The following RNF224 variants were observed in gnomAD, a reference collection of about 807,000 sequenced individuals.
The protein encoded by RNF224 is ring finger protein 224.
Under a neutral mutation model 2.9 loss-of-function variants are expected in RNF224, and 1 was observed. The observed-to-expected ratio is 0.35, with a 90% CI of 0.12 to 1.66. RNF224 has a LOEUF of 1.66. Ranked by LOEUF, RNF224 falls within the 40% of genes most tolerant of loss-of-function variation. The probability of loss-of-function intolerance (pLI) is 0.35; values close to 1 mark genes in which losing one functional copy is unlikely to be tolerated. For missense variants in RNF224, 254 were observed against 221.8 expected (o/e 1.15, Z -0.92); for synonymous variants, 116 against 97.6 (o/e 1.19, Z -1.11).
In RNF224 at chr9:137,229,198, A is replaced by T. The variant is rs1836064140; in HGVS notation, c.*112A>T. On this transcript the variant is annotated 3_prime_UTR_variant, in exon 3 of 3. Coordinates refer to ENST00000445101, the MANE Select transcript of RNF224 (RefSeq NM_001190228.2). ...AACCTGGCAGTAGCATCCTATACGC[A>T]GCTTCGTGTGGCCCAGCAGGGTGGT... 3 of 652,506 alleles carry T rather than the reference A, an allele frequency of 4.6e-6. No homozygotes were observed. The highest frequency in any genetic ancestry group is 8.0e-6 in the Non-Finnish European group (3 of 377,254). 40.4% of individuals were successfully genotyped at this position (652,506 alleles called of 1,614,324 possible).
Position 137,228,891 on chromosome 9 carries a change from G to C in RNF224, c.276G>C (p.Leu92=). 1 of 1,535,720 alleles carries C rather than the reference G, an allele frequency of 6.5e-7. No individual in the cohort carries two copies. The highest frequency in any genetic ancestry group is 8.7e-7 in the Non-Finnish European group (1 of 1,146,818). ...TAGACCTGGACCTGGCTGCTTTCCT[G>C]GCGGTCAAGGCTGAGCGGGAGCCGG... The part of the protein sequence containing the change: ...AMLDLDLAAF[L]AVKAEREPAR... The change falls in exon 3 of 3, where the codon CTG becomes CTC. Residue 92 remains leucine, a synonymous_variant. Coordinates refer to ENST00000445101, the MANE Select transcript of RNF224 (RefSeq NM_001190228.2).
Position 137,228,928 on chromosome 9 carries a change from C to T in RNF224, c.313C>T (p.Pro105Ser), listed in dbSNP as rs975389110. 15 of 1,535,776 alleles carry T rather than the reference C, an allele frequency of 9.8e-6. No individual in the cohort carries two copies. Among genetic ancestry groups the T allele is most frequent in the Middle Eastern group, 1.7e-4 (1 of 5,988 alleles). Residue 105 changes from proline to serine, a missense_variant, in exon 3 of 3, where the codon CCC (proline) becomes TCC (serine). Coordinates refer to ENST00000445101, the MANE Select transcript of RNF224 (RefSeq NM_001190228.2). Reference sequence around the variant, plus strand: ...TGAGCGGGAGCCGGCAAGACTAGAACCCCTGCCCCTCACCTCCCTCAAAGG... The same window carrying T: ...TGAGCGGGAGCCGGCAAGACTAGAATCCCTGCCCCTCACCTCCCTCAAAGG... ...KAEREPARLE[P>S]LPLTSLKGSA... is the part of the protein sequence containing the mutation.
chr9:137,229,102 A>T lies in RNF224; in HGVS notation c.*16A>T. 7.0e-7 allele frequency: 1 copy of T among 1,428,284 alleles called. No homozygotes were observed. Among genetic ancestry groups the T allele is most frequent in the Non-Finnish European group, 9.5e-7 (1 of 1,054,012 alleles). The allele number at this position is 1,428,284 out of a possible 1,614,324, so 88.5% of individuals were successfully genotyped here. On this transcript the variant is annotated 3_prime_UTR_variant, in exon 3 of 3. Transcript: ENST00000445101. Reference sequence around the variant, plus strand: ...CGAGGTCTGAACTCTGGCCATTCCCACCCCTGCAGGGGAAATGCCTGCCTT... The same window carrying T: ...CGAGGTCTGAACTCTGGCCATTCCCTCCCCTGCAGGGGAAATGCCTGCCTT...
Position 137,228,821 on chromosome 9 carries a change from A to G in RNF224, c.206A>G (p.Gln69Arg), listed in dbSNP as rs759082591. ...APEQRWIPCP[Q>R]CRQSTPTPRG... Reference sequence around the variant, plus strand: ...GAGCAGCGCTGGATCCCCTGTCCGCAGTGCCGTCAGAGCACGCCCACGCCT... The same window carrying G: ...GAGCAGCGCTGGATCCCCTGTCCGCGGTGCCGTCAGAGCACGCCCACGCCT... Residue 69 changes from glutamine to arginine, a missense_variant, in exon 3 of 3, where the codon CAG becomes CGG. Transcript: ENST00000445101. 6.5e-7 allele frequency: 1 copy of G among 1,535,368 alleles called. No homozygotes were observed. The highest frequency in any genetic ancestry group is 8.7e-7 in the Non-Finnish European group (1 of 1,146,646).
intron 1 of RNF224, 34 bp from the exon 2 acceptor site, chr9:137,228,118 C>T: frequency 1.8e-6 from 1 of 556,430 alleles, no homozygotes; most frequent in Non-Finnish European, 3.2e-6. Context: ...GGGCGGGGGG[C>T]ACCTTATCTC....
At chr9:137,227,929 G>A (rs553859365) in intron 1 of RNF224, 68 bp downstream of exon 1, 72 of 218,344 alleles carry the variant, frequency 3.3e-4, no homozygotes, top group African/African-American at 1.6e-3. Context: ...GGAGCGGAGG[G>A]AAGGGGAGGG....
chr9:137,227,907 G>A (rs944332677), intron 1 of RNF224, 46 bp downstream of exon 1: 10 of 196,868 alleles, frequency 5.1e-5, no homozygotes, highest in Admixed American at 1.3e-4. Context: ...GGAAGGAGAG[G>A]GTAAGAGTGA....
Position 137,228,341 on chromosome 9 carries a change from G to A in RNF224, c.6G>A (p.Gln2=), listed in dbSNP as rs774778492. 1.5e-5 allele frequency: 23 copies of A among 1,501,932 alleles called. No homozygotes were observed. The highest frequency in any genetic ancestry group is 2.0e-5 in the Non-Finnish European group (23 of 1,127,828). 93.0% of individuals were successfully genotyped at this position (1,501,932 alleles called of 1,614,324 possible). A position where few individuals can be genotyped will look rare whatever the true frequency, so the allele number is the denominator to read the frequency against. The part of the protein sequence containing the change: M[Q]DAAAGGPPGL... ...ATAGCTGCCCAGCAGAGCCCATGCA[G>A]GTAAGAGGCCTGGGCTCAGGTCGGC... Residue 2 remains glutamine (Q), a splice_region_variant and synonymous_variant, in exon 2 of 3, where the codon CAG becomes CAA. Coordinates refer to ENST00000445101, the MANE Select transcript of RNF224 (RefSeq NM_001190228.2).
Position 137,229,092 on chromosome 9 carries a change from G to A in RNF224, c.*6G>A. 1 of 1,480,406 alleles carries A rather than the reference G, an allele frequency of 6.8e-7. No homozygotes were observed. Among genetic ancestry groups the A allele is most frequent in the South Asian group, 1.2e-5 (1 of 82,560 alleles). The allele number at this position is 1,480,406 out of a possible 1,614,324, so 91.7% of individuals were successfully genotyped here. ...TAGGCAGCCCCGAGGTCTGAACTCT[G>A]GCCATTCCCACCCCTGCAGGGGAAA... is the stretch of plus-strand genomic sequence containing the variant. On this transcript the variant is annotated 3_prime_UTR_variant, in exon 3 of 3. Transcript: ENST00000445101.
intron 2 of RNF224, 119 bp downstream of exon 2, chr9:137,228,460 C>G: frequency 8.9e-7 from 1 of 1,126,708 alleles, no homozygotes; most frequent in East Asian, 2.6e-5. Flanking sequence ...GTGTGCAGAC[C>G]CTGGTTCTGC....
In RNF224 at chr9:137,229,180, C is replaced by A; in HGVS notation, c.*94C>A. 2.8e-6 allele frequency: 2 copies of A among 715,312 alleles called. No individual in the cohort carries two copies. The highest frequency in any genetic ancestry group is 2.5e-5 in the Admixed American group (1 of 39,372). 44.3% of individuals were successfully genotyped at this position (715,312 alleles called of 1,614,324 possible). A position where few individuals can be genotyped will look rare whatever the true frequency, so the allele number is the denominator to read the frequency against. On this transcript the variant is annotated 3_prime_UTR_variant, in exon 3 of 3. Transcript: ENST00000445101. ...GTTCAGCCCACTCAGAACAACCTGG[C>A]AGTAGCATCCTATACGCAGCTTCGT...
rs538988667 is a variant in RNF224, at chr9:137,229,412, G to A, written c.*326G>A. 4.6e-4 allele frequency: 174 copies of A among 381,192 alleles called. 1 individual carries two copies. Among genetic ancestry groups the A allele is most frequent in the African/African-American group, 3.0e-3 (148 of 49,418 alleles). 23.6% of individuals were successfully genotyped at this position (381,192 alleles called of 1,614,324 possible). A position where few individuals can be genotyped will look rare whatever the true frequency, so the allele number is the denominator to read the frequency against. On this transcript the variant is annotated 3_prime_UTR_variant, in exon 3 of 3. Transcript: ENST00000445101. ...AGCCTGGCTTGGGCCTAGACGCAGCGCAAAGGATGGCTCCCAAGAGGATGC... is the reference window on the plus strand; with the variant it reads ...AGCCTGGCTTGGGCCTAGACGCAGCACAAAGGATGGCTCCCAAGAGGATGC...
intron 2 of RNF224, 78 bp downstream of exon 2, chr9:137,228,419 G>A (rs1018713984): frequency 3.0e-6 from 4 of 1,341,832 alleles, no homozygotes; most frequent in South Asian, 3.0e-5. Flanking sequence ...GGAACAGGAG[G>A]CTGCCCGGCT....
Position 137,229,046 on chromosome 9 carries a change from G to A in RNF224, c.431G>A (p.Gly144Asp), listed in dbSNP as rs1443537472. 4 of 1,533,760 alleles carry A rather than the reference G, an allele frequency of 2.6e-6. No individual in the cohort carries two copies. The East Asian group carries it at 9.8e-5, about 38-fold the overall frequency. The change falls in exon 3 of 3, where the codon GGC becomes GAC. Residue 144 changes from glycine (G) to aspartate (D), a missense_variant. Physicochemically the swap from Gly to Asp is moderately conservative, Grantham distance 94. Transcript: ENST00000445101. ...PQPRYCCWGCGSLCCPPLGSP... is the reference protein window; with the variant it reads ...PQPRYCCWGCDSLCCPPLGSP... ...CCCAGATACTGCTGCTGGGGCTGTG[G>A]CAGCCTCTGCTGCCCACCCCTAGGC... is the stretch of plus-strand genomic sequence containing the variant.
rs944011456 is a variant in RNF224, at chr9:137,228,836, C to A, written c.221C>A (p.Thr74Lys). The A allele has an allele frequency of 2.6e-6, 4 of 1,535,478 alleles. No individual in the cohort carries two copies. In the African/African-American group the frequency reaches 4.1e-5, roughly 16 times the overall value. Residue 74 changes from threonine (T) to lysine (K), a missense_variant, in exon 3 of 3, where the codon ACG (threonine) becomes AAG (lysine). Transcript: ENST00000445101. ...CCCTGTCCGCAGTGCCGTCAGAGCA[C>A]GCCCACGCCTCGCGGAGGGGTGGCC... The part of the protein sequence containing the change: ...WIPCPQCRQS[T>K]PTPRGGVAML...
In RNF224 at chr9:137,227,838, G is replaced by A. The variant is rs757372476; in HGVS notation, c.-208G>A. 3.2e-4 allele frequency: 51 copies of A among 157,390 alleles called. No individual in the cohort carries two copies. The highest frequency in any genetic ancestry group is 4.9e-4 in the Non-Finnish European group (35 of 71,480). The allele number at this position is 157,390 out of a possible 1,614,324, so 9.7% of individuals were successfully genotyped here. A position where few individuals can be genotyped will look rare whatever the true frequency, so the allele number is the denominator to read the frequency against. ...GGGAACCCTGGCAGGCTTCCTAGAG[G>A]AGGAGATGTGAGCAGAGGCCAAGGC... On this transcript the variant is annotated 5_prime_UTR_variant, in exon 1 of 3. Transcript: ENST00000445101.
rs547177483 is a variant in RNF224 at position 137,228,906 on chromosome 9, G to A, written c.291G>A (p.Glu97=). ...DLAAFLAVKA[E]REPARLEPLP... ...CTGCTTTCCTGGCGGTCAAGGCTGA[G>A]CGGGAGCCGGCAAGACTAGAACCCC... Residue 97 remains glutamate (E), a synonymous_variant, in exon 3 of 3, where the codon GAG becomes GAA. Coordinates refer to ENST00000445101, the MANE Select transcript of RNF224 (RefSeq NM_001190228.2). 258 of 1,535,754 alleles carry A rather than the reference G, an allele frequency of 1.7e-4. No individual in the cohort carries two copies. The highest frequency in any genetic ancestry group is 2.2e-4 in the Non-Finnish European group (255 of 1,146,828).
rs1430421553 is a variant in RNF224, at chr9:137,229,533, A to C, written c.*447A>C. The C allele has an allele frequency of 1.1e-5, 2 of 186,472 alleles. No homozygotes were observed. Among genetic ancestry groups the C allele is most frequent in the African/African-American group, 4.7e-5 (2 of 42,566 alleles). The allele number at this position is 186,472 out of a possible 1,614,324, so 11.6% of individuals were successfully genotyped here. A position where few individuals can be genotyped will look rare whatever the true frequency, so the allele number is the denominator to read the frequency against. ...CCAGAGCAGGTCTCCCCTCTCCCAC[A>C]GACGTCCCCGGGGTGTACCGGGAGG... is the stretch of plus-strand genomic sequence containing the variant. On this transcript the variant is annotated 3_prime_UTR_variant, in exon 3 of 3. Coordinates refer to ENST00000445101, the MANE Select transcript of RNF224 (RefSeq NM_001190228.2).
intron 2 of RNF224, 101 bp from the exon 3 acceptor site, chr9:137,228,521 G>A: frequency 1.8e-6 from 2 of 1,140,480 alleles, no homozygotes; most frequent in Admixed American, 2.9e-5. Flanking sequence ...CACCCCCACA[G>A]ACCCAGCGCC....
Sources: gnomAD v4.1 joint callset for allele counts on GRCh38, gnomAD v4.1.1 for gene constraint, MANE v1.5 for transcripts, NCBI Gene and HGNC (gene_info 2026-07-23, HGNC 2026-07-21) for gene names.